MAPKAP1: variants seen among roughly 807,000 people sequenced by gnomAD.
MAPKAP1 encodes the protein target of rapamycin complex 2 subunit MAPKAP1.
MAPKAP1 carries 20 observed loss-of-function variants against 65.7 expected under a neutral mutation model. That is an observed-to-expected ratio of 0.30 (90% CI 0.21 to 0.44). The LOEUF (loss-of-function observed/expected upper bound fraction) is 0.44. MAPKAP1 is among the 20% of genes least tolerant of loss of function. MAPKAP1 has a pLI of 1.00. For missense variants in MAPKAP1, 423 were observed against 648.0 expected (o/e 0.65, Z 3.77); for synonymous variants, 222 against 244.3 (o/e 0.91, Z 0.85).
intron 1 of MAPKAP1, among the ~76,000 whole-genome samples, chr9:125,692,541 G>A (rs1339835474): frequency 3.3e-5 from 5 of 152,136 alleles, no homozygotes; most frequent in Admixed American, 6.5e-5. Context: ...TCTTTCTGAG[G>A]TGACAAAAAT....
At chr9:125,617,740 A>C (rs375736007) in intron 4 of MAPKAP1, among the ~76,000 whole-genome samples, 2 of 152,236 alleles carry the variant, frequency 1.3e-5, no homozygotes, top group African/African-American at 4.8e-5. Context: ...AAGTTAAAAA[A>C]ATATTGTTCA....
At chr9:125,484,626 C>A in intron 8 of MAPKAP1, 43 bp from the exon 9 acceptor site, 2 of 1,558,874 alleles carry the variant, frequency 1.3e-6, no homozygotes, top group Non-Finnish European at 1.7e-6. Flanking sequence ...ATACATGAGG[C>A]TTGGCAAATG....
intron 9 of MAPKAP1, among the ~76,000 whole-genome samples, chr9:125,481,152 TC>T (rs1469553226): frequency 6.6e-6 from 1 of 152,178 alleles, no homozygotes; most frequent in Non-Finnish European, 1.5e-5. Context: ...GGATTCAAAC[TC>T]AGTGCTGACT....
intron 4 of MAPKAP1, among the ~76,000 whole-genome samples, chr9:125,613,356 C>A (rs1176266665): frequency 6.6e-6 from 1 of 152,184 alleles, no homozygotes; most frequent in Non-Finnish European, 1.5e-5. Flanking sequence ...AGCTGTTAGT[C>A]CTTTCCTGCA....
intron 6 of MAPKAP1, among the ~76,000 whole-genome samples, chr9:125,550,485 T>C (rs1249921676): frequency 6.6e-6 from 1 of 152,260 alleles, no homozygotes; most frequent in Non-Finnish European, 1.5e-5. Flanking sequence ...AAGTTGATGG[T>C]TATCTAAAAT....
chr9:125,558,158 G>T (rs1231728336), intron 6 of MAPKAP1, among the ~76,000 whole-genome samples: 1 of 152,164 alleles, frequency 6.6e-6, no homozygotes, highest in African/African-American at 2.4e-5. Flanking sequence ...GTGAGCCACT[G>T]CGCCTGACCT....
intron 9 of MAPKAP1, among the ~76,000 whole-genome samples, chr9:125,473,356 T>C (rs1009653348): frequency 6.6e-6 from 1 of 152,152 alleles, no homozygotes; most frequent in Non-Finnish European, 1.5e-5. Flanking sequence ...TAACCACTTA[T>C]CCACAGCCAT....
intron 3 of MAPKAP1, among the ~76,000 whole-genome samples, chr9:125,666,244 T>C (rs1291600161): frequency 6.6e-6 from 1 of 152,214 alleles, no homozygotes; most frequent in East Asian, 1.9e-4. Context: ...TGTGGTCTCA[T>C]GGCACATGGA....
In MAPKAP1 at chr9:125,455,485, T is replaced by C. The variant is rs7847743; in HGVS notation, c.1346-10887A>G. ...AAGAGATAAAACTGAGGATACTTTG[T>C]AGATACACAAGAAGAGAGAAAAAAA... On this transcript the variant is annotated intron_variant, in intron 10 of 11. Transcript: ENST00000265960. 2.7e-3 allele frequency among the ~76,000 whole-genome samples: 418 copies of C among 152,324 alleles called. 2 individuals are homozygous for C. The highest frequency in any genetic ancestry group is 9.1e-3 in the African/African-American group (380 of 41,560).
At chr9:125,545,302 A>G (rs1210473921) in intron 6 of MAPKAP1, among the ~76,000 whole-genome samples, 1 of 152,250 alleles carries the variant, frequency 6.6e-6, no homozygotes, top group African/African-American at 2.4e-5. Flanking sequence ...ACTGAAACGT[A>G]AAGTGCCTTG....
chr9:125,542,098 C>T (rs751919241), intron 7 of MAPKAP1, among the ~76,000 whole-genome samples: 35 of 152,196 alleles, frequency 2.3e-4, no homozygotes, highest in Non-Finnish European at 4.4e-4. Context: ...ATTTTCATTG[C>T]TCCATTCAAT....
intron 9 of MAPKAP1, among the ~76,000 whole-genome samples, chr9:125,469,322 A>C (rs1853807536): frequency 6.6e-6 from 1 of 152,228 alleles, no homozygotes; most frequent in Admixed American, 6.5e-5. Flanking sequence ...CAAAAGCAGC[A>C]GCAGATAAAA....
At chr9:125,690,889 C>T (rs1334368450) in intron 1 of MAPKAP1, among the ~76,000 whole-genome samples, 1 of 152,136 alleles carries the variant, frequency 6.6e-6, no homozygotes, top group Non-Finnish European at 1.5e-5. Flanking sequence ...GTGAAGATAG[C>T]CCAGAGATGA....
chr9:125,546,801 G>T (rs572986259), intron 6 of MAPKAP1, among the ~76,000 whole-genome samples: 2 of 152,100 alleles, frequency 1.3e-5, no homozygotes, highest in East Asian at 3.9e-4. Context: ...AGGAGCTGTG[G>T]CGGGGTGATC....
chr9:125,516,147 G>C (rs117130145), intron 7 of MAPKAP1, among the ~76,000 whole-genome samples: 1 of 152,138 alleles, frequency 6.6e-6, no homozygotes, highest in South Asian at 2.1e-4. Context: ...AGAAGACGCC[G>C]TCTACAAGAC....
At chr9:125,459,902 C>T (rs1336316350) in intron 10 of MAPKAP1, among the ~76,000 whole-genome samples, 2 of 145,986 alleles carry the variant, frequency 1.4e-5, no homozygotes, top group Admixed American at 1.3e-4. Context: ...ATAAGCAATA[C>T]ACACTTTGAT....
At chr9:125,651,529 C>T (rs538804629) in intron 4 of MAPKAP1, among the ~76,000 whole-genome samples, 4 of 152,262 alleles carry the variant, frequency 2.6e-5, no homozygotes, top group Non-Finnish European at 1.5e-5. Context: ...TCACTTGAAC[C>T]TGGGAAGCAG....
intron 1 of MAPKAP1, among the ~76,000 whole-genome samples, chr9:125,678,534 G>A (rs1194624419): frequency 6.6e-6 from 1 of 152,106 alleles, no homozygotes; most frequent in Admixed American, 6.6e-5. Flanking sequence ...GAGCCACCGC[G>A]CCCGGCCCAG....
chr9:125,588,621 T>C lies in MAPKAP1; in HGVS notation c.499-2894A>G, dbSNP rs548093643. Among the ~76,000 whole-genome samples the C allele has an allele frequency of 1.5e-4, 23 of 152,310 alleles. No homozygotes were observed. The East Asian group carries it at 4.0e-3, about 27-fold the overall frequency. Reference sequence around the variant, plus strand: ...ACTTCTATCTCCACTGCCACCAAAATTACCATCAGGTCTCACCTGAACTAT... The same window carrying C: ...ACTTCTATCTCCACTGCCACCAAAACTACCATCAGGTCTCACCTGAACTAT... On this transcript the variant is annotated intron_variant, in intron 4 of 11. Transcript: ENST00000265960.
Sources: gnomAD v4.1 joint callset for allele counts (sites outside exome capture counted in the v4.1 genomes callset) on GRCh38, gnomAD v4.1.1 for gene constraint, MANE v1.5 for transcripts, NCBI Gene and HGNC (gene_info 2026-07-23, HGNC 2026-07-21) for gene names.